The following GARNL3 variants were observed in gnomAD, a reference collection of about 807,000 sequenced individuals.
GARNL3 encodes GTPase-activating Rap/Ran-GAP domain-like protein 3.
A neutral mutation model predicts 125.0 loss-of-function variants in GARNL3; 63 were observed. The observed-to-expected ratio is 0.50, with a 90% CI of 0.41 to 0.62. The LOEUF (loss-of-function observed/expected upper bound fraction) is 0.62, where lower values mean the gene tolerates loss of function less well. GARNL3 is among the 20% of genes least tolerant of loss of function. The pLI is 0.00. For synonymous variants in GARNL3, 439 were observed against 457.5 expected (o/e 0.96, Z 0.52); for missense variants, 994 against 1,244.0 (o/e 0.80, Z 3.02).
intron 2 of GARNL3, among the ~76,000 whole-genome samples, chr9:127,301,626 G>A (rs2064790795): frequency 6.6e-6 from 1 of 152,076 alleles, no homozygotes; most frequent in Non-Finnish European, 1.5e-5. Context: ...TGTCTACATT[G>A]AATTTAATCT....
intron 1 of GARNL3, among the ~76,000 whole-genome samples, chr9:127,288,588 A>G (rs2064319455): frequency 6.6e-6 from 1 of 152,226 alleles, no homozygotes; most frequent in South Asian, 2.1e-4. Context: ...ACCCATTAGC[A>G]TGAGCTCTGT....
In GARNL3 at chr9:127,383,452, A is replaced by G. The variant is rs745884148; in HGVS notation, c.2176A>G (p.Lys726Glu). The G allele has an allele frequency of 1.2e-6, 2 of 1,609,206 alleles. No homozygotes were observed. Among genetic ancestry groups the G allele is most frequent in the Non-Finnish European group, 1.7e-6 (2 of 1,177,230 alleles). ...LLCYNYSCIY[K>E]KVCPFNGGSF... ...TTTCATTGCAGACAGTTGCATCTATAAAAAGGTTTGCCCCTTTAATGGTGG... is the reference window on the plus strand; with the variant it reads ...TTTCATTGCAGACAGTTGCATCTATGAAAAGGTTTGCCCCTTTAATGGTGG... The change falls in exon 23 of 28, where the codon AAA becomes GAA. Residue 726 changes from lysine to glutamate, a missense_variant. Physicochemically the swap from Lys to Glu is moderately conservative, Grantham distance 56 (BLOSUM62 1). Coordinates refer to ENST00000373387, the MANE Select transcript of GARNL3 (RefSeq NM_032293.5).
intron 18 of GARNL3, 29 bp downstream of exon 18, chr9:127,353,973 T>C (rs1193320559): frequency 2.0e-6 from 3 of 1,474,724 alleles, no homozygotes; most frequent in Non-Finnish European, 2.8e-6. Context: ...TGGCATGCTG[T>C]GGAGGAAGGA....
Position 127,339,755 on chromosome 9 carries a change from A to G in GARNL3, c.1135+4A>G. The G allele has an allele frequency of 6.3e-7, 1 of 1,592,742 alleles. No homozygotes were observed. The highest frequency in any genetic ancestry group is 8.6e-7 in the Non-Finnish European group (1 of 1,160,398). On this transcript the variant is annotated splice_donor_region_variant and intron_variant, in intron 13 of 27. Coordinates refer to ENST00000373387, the MANE Select transcript of GARNL3 (RefSeq NM_032293.5). ...AGGGACTTTTTGCTAGTGAAATGTA[A>G]GTTTCTGTTTTGAAACAATTTTGCA...
At chr9:127,337,002 G>T (rs10819275) in intron 11 of GARNL3, among the ~76,000 whole-genome samples, 23,311 of 152,264 alleles carry the variant, frequency 0.15, 2,381 homozygotes, top group South Asian at 0.36. Flanking sequence ...CATGTTTGGA[G>T]ACAGGCCCAC....
intron 17 of GARNL3, among the ~76,000 whole-genome samples, chr9:127,351,466 G>C (rs1011733299): frequency 6.7e-6 from 1 of 150,014 alleles, no homozygotes; most frequent in East Asian, 1.9e-4. Context: ...GCTTCTGTTT[G>C]TTTTTGCTTA....
chr9:127,371,975 C>T (rs1432500389), intron 22 of GARNL3, among the ~76,000 whole-genome samples: 1 of 152,140 alleles, frequency 6.6e-6, no homozygotes, highest in Non-Finnish European at 1.5e-5. Flanking sequence ...TCTTGTTGCC[C>T]AGGCTGAAGT....
At chr9:127,360,285 G>A (rs192864903) in intron 21 of GARNL3, among the ~76,000 whole-genome samples, 1 of 152,232 alleles carries the variant, frequency 6.6e-6, no homozygotes, top group Non-Finnish European at 1.5e-5. Context: ...GCCTCCCAAA[G>A]TGCTAGGATT....
chr9:127,316,862 C>G (rs2065254231), intron 4 of GARNL3, among the ~76,000 whole-genome samples: 1 of 152,182 alleles, frequency 6.6e-6, no homozygotes, highest in Admixed American at 6.5e-5. Flanking sequence ...TGCCATTGTT[C>G]AGAGCTTGGA....
chr9:127,340,548 T>C (rs1196510060), intron 13 of GARNL3, among the ~76,000 whole-genome samples: 4 of 151,724 alleles, frequency 2.6e-5, no homozygotes, highest in Non-Finnish European at 5.9e-5. Flanking sequence ...GCAGCTGCTT[T>C]GCTGGCTGCC....
At chr9:127,353,644 A>G in intron 17 of GARNL3, 1 of 574,238 alleles carries the variant, frequency 1.7e-6, no homozygotes, top group Non-Finnish European at 3.1e-6. Flanking sequence ...TGCCTATGGG[A>G]AGAAAGCATC....
chr9:127,237,455 A>T (rs941042311), intron 1 of GARNL3, among the ~76,000 whole-genome samples: 2 of 152,256 alleles, frequency 1.3e-5, no homozygotes, highest in Middle Eastern at 6.3e-3. Context: ...CCAGAACTCT[A>T]CTACAAAGGA....
At chr9:127,331,571 C>T (rs552375577) in intron 7 of GARNL3, among the ~76,000 whole-genome samples, 6 of 151,952 alleles carry the variant, frequency 3.9e-5, no homozygotes, top group South Asian at 2.1e-4. Flanking sequence ...TCCCTGTTTA[C>T]GCCTCCCTGC....
chr9:127,301,925 CTTTTTTTTTTTTTTTTTTT>C (rs754780368), intron 2 of GARNL3, among the ~76,000 whole-genome samples: 33 of 45,442 alleles, frequency 7.3e-4, no homozygotes, highest in Non-Finnish European at 1.0e-3. Context: ...ATTGGGAGGA[CTTTTTTTTTTTTTTTTTTT>C]TTTTTTTTTT....
chr9:127,236,306 T>G (rs2063111682), intron 1 of GARNL3, among the ~76,000 whole-genome samples: 1 of 152,252 alleles, frequency 6.6e-6, no homozygotes, highest in Non-Finnish European at 1.5e-5. Context: ...TCAACTATTT[T>G]ATGTTTTCTG....
chr9:127,323,153 A>G (rs901858596), intron 6 of GARNL3, among the ~76,000 whole-genome samples: 1 of 152,334 alleles, frequency 6.6e-6, no homozygotes, highest in Admixed American at 6.5e-5. Context: ...AAGTAATGCC[A>G]GTAGGACTGT....
At chr9:127,359,292 C>G (rs1001563792) in intron 21 of GARNL3, among the ~76,000 whole-genome samples, 3 of 152,182 alleles carry the variant, frequency 2.0e-5, no homozygotes, top group Non-Finnish European at 4.4e-5. Context: ...GAGTTCGAGA[C>G]CAGCCTGGCC....
In GARNL3 at chr9:127,297,026, G is replaced by A. The variant is rs971589841; in HGVS notation, c.219+5784G>A. ...GGAACCACTAACAAAGACCAAATAC[G>A]TATTCCCATTATACCACACCCCTAA... On this transcript the variant is annotated intron_variant, in intron 2 of 27. Coordinates refer to ENST00000373387, the MANE Select transcript of GARNL3 (RefSeq NM_032293.5). 2.6e-5 allele frequency among the ~76,000 whole-genome samples: 4 copies of A among 152,152 alleles called. No individual in the cohort carries two copies. In the South Asian group the frequency reaches 6.2e-4, roughly 24 times the overall value.
intron 2 of GARNL3, among the ~76,000 whole-genome samples, chr9:127,252,808 G>A (rs1477814908): frequency 2.0e-5 from 3 of 152,226 alleles, no homozygotes; most frequent in Non-Finnish European, 4.4e-5. Context: ...AATTTTGACA[G>A]TTGTAGCTGA....
Sources: allele counts gnomAD v4.1 joint callset (sites outside exome capture counted in the v4.1 genomes callset), GRCh38; gene constraint gnomAD v4.1.1; transcripts MANE v1.5; gene names NCBI Gene and HGNC (gene_info 2026-07-23, HGNC 2026-07-21).